The following LARGE1 variants were observed in gnomAD, a reference collection of about 807,000 sequenced individuals.
The protein encoded by LARGE1 is xylosyl- and glucuronyltransferase LARGE1.
LARGE1 carries 43 observed loss-of-function variants against 87.6 expected under a neutral mutation model. That is an observed-to-expected ratio of 0.49 (90% CI 0.38 to 0.63). LARGE1 has a LOEUF of 0.63. Among genes scored for constraint, LARGE1 ranks in the 30% least tolerant of loss-of-function variants. The pLI, the probability that LARGE1 is intolerant of heterozygous loss-of-function variation, is 0.00. For missense variants in LARGE1, 802 were observed against 1,000.2 expected, an observed-to-expected ratio of 0.80 and a Z score of 2.67; for synonymous variants, 434 against 394.6, an observed-to-expected ratio of 1.10 and a Z score of -1.18.
chr22:33,586,478 C>CG (rs2078677893), intron 5 of LARGE1, among the ~76,000 whole-genome samples: 2 of 145,786 alleles, frequency 1.4e-5, no homozygotes, highest in South Asian at 4.3e-4. Context: ...TTTTTTCAGA[C>CG]GGAGTCTTGC....
intron 2 of LARGE1, among the ~76,000 whole-genome samples, chr22:33,663,949 C>A (rs1301021692): frequency 6.6e-6 from 1 of 152,082 alleles, no homozygotes; most frequent in Non-Finnish European, 1.5e-5. Context: ...TTCTAGGAAC[C>A]CTTCTCCAAT....
At chr22:33,729,335 G>C (rs748879850) in intron 2 of LARGE1, among the ~76,000 whole-genome samples, 34 of 152,136 alleles carry the variant, frequency 2.2e-4, no homozygotes, top group Non-Finnish European at 4.3e-4. Context: ...AAGAGAAAAA[G>C]ACATGAGTTG....
At chr22:33,161,212 C>A (rs1922012282), downstream of LARGE1, among the ~76,000 whole-genome samples, 2 of 152,136 alleles carry the variant, frequency 1.3e-5, no homozygotes, top group African/African-American at 4.8e-5. Context: ...GGGTAACTGC[C>A]TCCATGATTC....
intron 1 of LARGE1, among the ~76,000 whole-genome samples, chr22:33,796,977 T>C (rs1171251951): frequency 6.6e-6 from 1 of 152,046 alleles, no homozygotes; most frequent in East Asian, 1.9e-4. Flanking sequence ...TTTGCCAGGC[T>C]GGTCTTGAAC....
the LARGE1 span, among the ~76,000 whole-genome samples, chr22:33,104,883 T>TCC: frequency 2.0e-5 from 1 of 48,802 alleles, no homozygotes; most frequent in Non-Finnish European, 6.4e-5. Flanking sequence ...TCAATAGACT[T>TCC]TCTCTCTCTT....
chr22:33,172,346 G>A (rs1922620209), intron 11 of LARGE1, among the ~76,000 whole-genome samples: 1 of 152,208 alleles, frequency 6.6e-6, no homozygotes, highest in Admixed American at 6.5e-5. Context: ...CTGTTGGGAA[G>A]GCATGATTGG....
intron 9 of LARGE1, among the ~76,000 whole-genome samples, chr22:33,353,039 A>G (rs1205799838): frequency 6.6e-6 from 1 of 152,236 alleles, no homozygotes; most frequent in Non-Finnish European, 1.5e-5. Flanking sequence ...ATGACTCCCT[A>G]ATTGGATCTG....
In LARGE1 at chr22:33,490,319, T is replaced by G. The variant is rs184029690; in HGVS notation, c.788-58054A>C. ...CTTGCCCCGCTTCCCTACCAGAGAA[T>G]AAAGAGGAATCCCTGTCATTTTGTC... On this transcript the variant is annotated intron_variant, in intron 6 of 14. Transcript: ENST00000397394. 2.6e-5 allele frequency among the ~76,000 whole-genome samples: 4 copies of G among 152,296 alleles called. No individual in the cohort carries two copies. The East Asian group carries it at 7.7e-4, about 29-fold the overall frequency.
chr22:33,513,835 A>ACACACACACACACC (rs2071168971), intron 6 of LARGE1, among the ~76,000 whole-genome samples: 2 of 151,744 alleles, frequency 1.3e-5, no homozygotes, highest in Non-Finnish European at 2.9e-5. Flanking sequence ...ACACACACAC[A>ACACACACACACACC]CACACACACA....
At chr22:33,416,540 T>C (rs1014652244) in intron 7 of LARGE1, among the ~76,000 whole-genome samples, 4 of 152,024 alleles carry the variant, frequency 2.6e-5, no homozygotes, top group Non-Finnish European at 5.9e-5. Flanking sequence ...CATCTAGTGT[T>C]TTGTGTGTTT....
intron 5 of LARGE1, among the ~76,000 whole-genome samples, chr22:33,577,071 C>T (rs1266280541): frequency 6.6e-6 from 1 of 152,046 alleles, no homozygotes; most frequent in Non-Finnish European, 1.5e-5. Context: ...GAGATAATCA[C>T]TCTGCTATTA....
chr22:33,212,465 T>A (rs1925010282), intron 11 of LARGE1, among the ~76,000 whole-genome samples: 1 of 152,216 alleles, frequency 6.6e-6, no homozygotes, highest in Non-Finnish European at 1.5e-5. Flanking sequence ...TTTCAAAATA[T>A]TACTGCTCAT....
intron 1 of LARGE1, among the ~76,000 whole-genome samples, chr22:33,774,107 A>C (rs1294965803): frequency 6.6e-6 from 1 of 151,866 alleles, no homozygotes; most frequent in Admixed American, 6.6e-5. Flanking sequence ...ATGGAAAAAA[A>C]CTCCTCCAAA....
chr22:33,205,292 CTG>C (rs1391025573), intron 11 of LARGE1, among the ~76,000 whole-genome samples: 2 of 152,186 alleles, frequency 1.3e-5, no homozygotes, highest in Non-Finnish European at 2.9e-5. Flanking sequence ...CTAAAATAAA[CTG>C]AGAGACTGCT....
intron 1 of LARGE1, among the ~76,000 whole-genome samples, chr22:33,789,387 G>A (rs926139571): frequency 1.3e-5 from 2 of 152,238 alleles, no homozygotes; most frequent in Non-Finnish European, 2.9e-5. Flanking sequence ...CAGGGGCAGA[G>A]CCTTCATAGA....
intron 6 of LARGE1, among the ~76,000 whole-genome samples, chr22:33,457,293 CTTTTTTTTT>C (rs759460321): frequency 2.0e-4 from 15 of 74,920 alleles, no homozygotes; most frequent in Admixed American, 9.0e-4. Flanking sequence ...ACGCCTGGCT[CTTTTTTTTT>C]TTTTTTTTTT....
intron 6 of LARGE1, among the ~76,000 whole-genome samples, chr22:33,563,649 C>T (rs991210954): frequency 1.3e-5 from 2 of 152,150 alleles, no homozygotes; most frequent in South Asian, 2.1e-4. Flanking sequence ...TCTAAGCTTC[C>T]GTTTCTTTCT....
chr22:33,259,119 T>A (rs1312470478), intron 11 of LARGE1, among the ~76,000 whole-genome samples: 2 of 152,084 alleles, frequency 1.3e-5, no homozygotes, highest in Non-Finnish European at 2.9e-5. Context: ...ACCTTGTGAT[T>A]TGCCCGCCTT....
intron 1 of LARGE1, among the ~76,000 whole-genome samples, chr22:33,907,012 A>T (rs534803301): frequency 6.6e-6 from 1 of 152,204 alleles, no homozygotes; most frequent in East Asian, 1.9e-4. Flanking sequence ...GAAAAAGGAA[A>T]ATGGCAAAAG....
Sources: gnomAD v4.1 joint callset for allele counts (sites outside exome capture counted in the v4.1 genomes callset) on GRCh38, gnomAD v4.1.1 for gene constraint, MANE v1.5 for transcripts, NCBI Gene and HGNC (gene_info 2026-07-23, HGNC 2026-07-21) for gene names.